CYP4F2: variants seen among roughly 807,000 people sequenced by gnomAD.
CYP4F2 encodes cytochrome P450 4F2.
A neutral mutation model predicts 58.9 loss-of-function variants in CYP4F2; 58 were observed. That is an observed-to-expected ratio of 0.98 (90% CI 0.80 to 1.23). The LOEUF is 1.23. Ranked by LOEUF, CYP4F2 falls within the 50% of genes most tolerant of loss-of-function variation. The probability of loss-of-function intolerance (pLI) is 0.00; values close to 1 mark genes in which losing one functional copy is unlikely to be tolerated. For missense variants in CYP4F2, 616 were observed against 685.6 expected (o/e 0.90, Z 1.13); for synonymous variants, 287 against 261.1 (o/e 1.10, Z -0.95).
chr19:15,878,757 G>C lies in CYP4F2; in HGVS notation c.*14C>G, dbSNP rs1285469721. On this transcript the variant is annotated 3_prime_UTR_variant, in exon 13 of 13. Transcript: ENST00000221700. ...GGGTCATTTTAGTGGGGTCAGAGTG[G>C]GTCTCTGCAGAACTCAGCTCAGGGG... is the stretch of plus-strand genomic sequence containing the variant. 6.2e-7 allele frequency: 1 copy of C among 1,612,350 alleles called. No homozygotes were observed. Among genetic ancestry groups the C allele is most frequent in the South Asian group, 1.1e-5 (1 of 90,806 alleles).
At position 15,890,297 on chromosome 19, in the gene CYP4F2, T is replaced by C; in HGVS notation, c.647+15A>G. 1 of 1,613,910 alleles carries C rather than the reference T, an allele frequency of 6.2e-7. No homozygotes were observed. Among genetic ancestry groups the C allele is most frequent in the Non-Finnish European group, 8.5e-7 (1 of 1,179,896 alleles). ...GTCCACAGCCCAAGATCCCAGATCCTGGGCAAGAACTTACTCCTGACAATG... is the reference window on the plus strand; with the variant it reads ...GTCCACAGCCCAAGATCCCAGATCCCGGGCAAGAACTTACTCCTGACAATG... On this transcript the variant is annotated intron_variant, in intron 6 of 12. Transcript: ENST00000221700.
intron 9 of CYP4F2, among the ~76,000 whole-genome samples, chr19:15,882,221 G>A (rs1184733754): frequency 6.6e-6 from 1 of 151,500 alleles, no homozygotes; most frequent in African/African-American, 2.4e-5. Flanking sequence ...CTCCAGCCTG[G>A]GTGACAGAGC....
Position 15,894,815 on chromosome 19 carries a change from G to C in CYP4F2, c.343+691C>G, listed in dbSNP as rs372660399. ...GGGTCAAGGAAAGGGACCCAAGCTGGGGTGGAGTCTCCTCTTGGAGATCCC... is the reference window on the plus strand; with the variant it reads ...GGGTCAAGGAAAGGGACCCAAGCTGCGGTGGAGTCTCCTCTTGGAGATCCC... On this transcript the variant is annotated intron_variant, in intron 3 of 12. Coordinates refer to ENST00000221700, the MANE Select transcript of CYP4F2 (RefSeq NM_001082.5). 2.1e-3 allele frequency among the ~76,000 whole-genome samples: 316 copies of C among 152,246 alleles called. 1 individual carries two copies. The highest frequency in any genetic ancestry group is 0.01 in the Middle Eastern group (3 of 294).
intron 8 of CYP4F2, 79 bp from the exon 9 acceptor site, chr19:15,886,132 C>T (rs2089377833): frequency 6.2e-7 from 1 of 1,605,828 alleles, no homozygotes; most frequent in Non-Finnish European, 8.5e-7. Flanking sequence ...CATTGAGGGC[C>T]TCAGGGAGGA....
At chr19:15,897,965 C>A (rs1392634399) in intron 1 of CYP4F2, 61 bp downstream of exon 1, 1 of 272,220 alleles carries the variant, frequency 3.7e-6, no homozygotes, top group Non-Finnish European at 7.0e-6. Flanking sequence ...GGGCCTTGGG[C>A]AGTGCCCCTC....
At position 15,884,234 on chromosome 19, in the gene CYP4F2, TAAGTA is replaced by T. The variant is rs777046116; in HGVS notation, c.1115+1685_1115+1689del. On this transcript the variant is annotated intron_variant, in intron 9 of 12. Transcript: ENST00000221700. ...TGGATGGAACTGGAGGTCACTGTGG[TAAGTA>T]AATAAGCCAAAAAGAGAAAGACAAA... 3.4e-4 allele frequency among the ~76,000 whole-genome samples: 52 copies of T among 152,210 alleles called. 1 individual carries two copies. Among genetic ancestry groups the T allele is most frequent in the Admixed American group, 2.7e-3 (41 of 15,284 alleles).
intron 3 of CYP4F2, among the ~76,000 whole-genome samples, chr19:15,894,036 A>C (rs2089433586): frequency 6.6e-6 from 1 of 152,106 alleles, no homozygotes; most frequent in Admixed American, 6.6e-5. Flanking sequence ...CACATCCTCC[A>C]TGCAGGACTC....
chr19:15,895,109 ACTC>A (rs1349294437), intron 3 of CYP4F2, among the ~76,000 whole-genome samples: 1 of 151,748 alleles, frequency 6.6e-6, no homozygotes, highest in Admixed American at 6.6e-5. Context: ...AGCTCCAGTA[ACTC>A]CTCCTCTAGG....
Position 15,878,783 on chromosome 19 carries a change from C to A in CYP4F2, c.1551G>T (p.Glu517Asp), listed in dbSNP as rs766239123. The change falls in exon 13 of 13, where the codon GAG becomes GAT. Residue 517 changes from glutamate (E) to aspartate (D), a missense_variant. By Grantham distance (45) the Glu-to-Asp change is conservative. Transcript: ENST00000221700. The part of the protein sequence containing the change: ...RAEGGLWLRV[E>D]PLS ...GTCTCTGCAGAACTCAGCTCAGGGGCTCCACCCGCAGCCAAAGTCCGCCCT... is the reference window on the plus strand; with the variant it reads ...GTCTCTGCAGAACTCAGCTCAGGGGATCCACCCGCAGCCAAAGTCCGCCCT... 6.2e-6 allele frequency: 10 copies of A among 1,613,258 alleles called. No homozygotes were observed. Among genetic ancestry groups the A allele is most frequent in the Admixed American group, 1.7e-5 (1 of 59,948 alleles).
chr19:15,891,977 C>A (rs1328904748), intron 5 of CYP4F2, among the ~76,000 whole-genome samples: 1 of 152,124 alleles, frequency 6.6e-6, no homozygotes, highest in Non-Finnish European at 1.5e-5. Flanking sequence ...TTGGTTTAAA[C>A]CAATGAGTTT....
chr19:15,890,258 C>A (rs1182225463), intron 6 of CYP4F2, 54 bp downstream of exon 6: 75 of 1,612,688 alleles, frequency 4.7e-5, no homozygotes, highest in Non-Finnish European at 5.9e-5. Context: ...CCCTCTCCCA[C>A]CTACCCACTT....
chr19:15,890,591 T>G (rs943813050), intron 5 of CYP4F2, among the ~76,000 whole-genome samples, 158 bp from the exon 6 acceptor site: 8 of 152,130 alleles, frequency 5.3e-5, no homozygotes, highest in Admixed American at 1.3e-4. Flanking sequence ...AAACAAAAGC[T>G]GTTACTATTA....
chr19:15,895,776 T>C, intron 2 of CYP4F2, 126 bp from the exon 3 acceptor site: 2 of 1,214,722 alleles, frequency 1.6e-6, no homozygotes, highest in Non-Finnish European at 2.2e-6. Flanking sequence ...CTATTCATCC[T>C]ATCTATCTAA....
Position 15,889,459 on chromosome 19 carries a change from C to T in CYP4F2, c.882G>A (p.Lys294=), listed in dbSNP as rs141701072. The T allele has an allele frequency of 3.1e-6, 5 of 1,614,020 alleles. No individual in the cohort carries two copies. In the African/African-American group the frequency reaches 6.7e-5, roughly 22 times the overall value. The change falls in exon 7 of 13, where the codon AAG becomes AAA. Residue 294 remains lysine, a synonymous_variant. Transcript: ENST00000221700. ...GGAGTACATCAATGAAGTCCAAAGT[C>T]TTGGATTTGGCCTTGGCTTGGAGGA... ...DDFLQAKAKS[K]TLDFIDVLLL...
Position 15,894,042 on chromosome 19 carries a change from G to A in CYP4F2, c.344-1460C>T, listed in dbSNP as rs557395280. 7.9e-5 allele frequency among the ~76,000 whole-genome samples: 12 copies of A among 152,210 alleles called. No homozygotes were observed. The South Asian group carries it at 2.3e-3, about 29-fold the overall frequency. On this transcript the variant is annotated intron_variant, in intron 3 of 12. Coordinates refer to ENST00000221700, the MANE Select transcript of CYP4F2 (RefSeq NM_001082.5). ...CTGCCTCCTCACATCCTCCATGCAG[G>A]ACTCTCCAGTCCTTCAGTTACACAG...
At position 15,897,654 on chromosome 19, in the gene CYP4F2, G is replaced by A. The variant is rs3093101; in HGVS notation, c.-1-42C>T. On this transcript the variant is annotated intron_variant, in intron 1 of 12. Coordinates refer to ENST00000221700, the MANE Select transcript of CYP4F2 (RefSeq NM_001082.5). ...ATGGACGGTGAGATCCTGAGGCCCA[G>A]AGAACGGCCCAGGGACCTCCAGGGA... is the stretch of plus-strand genomic sequence containing the variant. The A allele has an allele frequency of 6.4e-3, 10,312 of 1,607,706 alleles. 481 individuals carry two copies. In the African/African-American group the frequency reaches 0.1, roughly 16 times the overall value.
chr19:15,889,021 GAC>G (rs1352514661), intron 7 of CYP4F2, among the ~76,000 whole-genome samples: 19 of 152,106 alleles, frequency 1.2e-4, no homozygotes, highest in Non-Finnish European at 2.6e-4. Flanking sequence ...TAGATAAAAA[GAC>G]ATACAGATAT....
In CYP4F2 at chr19:15,890,406, C is replaced by A. The variant is rs1187041254; in HGVS notation, c.553G>T (p.Gly185Cys). Residue 185 changes from glycine (G) to cysteine (C), a missense_variant, in exon 6 of 13, where the codon GGT becomes TGT. Physicochemically the swap from Gly to Cys is radical, Grantham distance 159 (BLOSUM62 -3). Coordinates refer to ENST00000221700, the MANE Select transcript of CYP4F2 (RefSeq NM_001082.5). Reference sequence around the variant, plus strand: ...TCAAACATATCCAAACAGGCACTACCCTCTGAGGCCAGGAGCTGCCACTTG... The same window carrying A: ...TCAAACATATCCAAACAGGCACTACACTCTGAGGCCAGGAGCTGCCACTTG... ...HAKWQLLASEGSACLDMFEHI... is the reference protein window; with the variant it reads ...HAKWQLLASECSACLDMFEHI... 1.2e-6 allele frequency: 2 copies of A among 1,614,048 alleles called. No individual in the cohort carries two copies. Among genetic ancestry groups the A allele is most frequent in the Non-Finnish European group, 1.7e-6 (2 of 1,179,978 alleles).
intron 9 of CYP4F2, among the ~76,000 whole-genome samples, chr19:15,883,398 G>C (rs558581909): frequency 4.7e-4 from 71 of 152,100 alleles, no homozygotes; most frequent in Non-Finnish European, 9.3e-4. Flanking sequence ...CTAATCATCA[G>C]AGAAATGCAA....
Sources: gnomAD v4.1 joint callset for allele counts (sites outside exome capture counted in the v4.1 genomes callset) on GRCh38, gnomAD v4.1.1 for gene constraint, MANE v1.5 for transcripts, NCBI Gene and HGNC (gene_info 2026-07-23, HGNC 2026-07-21) for gene names.